Variants in SPEN observed in about 807,000 individuals in gnomAD.
SPEN encodes spen family transcriptional repressor.
SPEN carries 18 observed loss-of-function variants against 269.9 expected under a neutral mutation model. The ratio of observed to expected loss-of-function variants is 0.07; its 90% confidence interval spans 0.05 to 0.10. The LOEUF is 0.10. Among genes scored for constraint, SPEN ranks in the 10% least tolerant of loss-of-function variants. The pLI is 1.00. For missense variants in SPEN, 3,822 were observed against 4,631.2 expected (o/e 0.83, Z 5.07); for synonymous variants, 1,726 against 1,765.7 (o/e 0.98, Z 0.56).
intron 3 of SPEN, among the ~76,000 whole-genome samples, chr1:15,885,781 C>T (rs2070731114): frequency 6.6e-6 from 1 of 152,132 alleles, no homozygotes; most frequent in Admixed American, 6.6e-5. Context: ...GCAGTGTGTG[C>T]TTTGGACAAG....
At position 15,931,529 on chromosome 1, in the gene SPEN, T is replaced by C. The variant is rs2148740145; in HGVS notation, c.5289T>C (p.Ala1763=). The stretch of plus-strand genomic sequence containing the variant: ...GTACCCAGCCACTTTCAAAACCAGC[T>C]CAGAAGTCTGAGGAAGCCAATGAGC... ...PDSTQPLSKP[A]QKSEEANEPK... Residue 1763 remains alanine (A), a synonymous_variant, in exon 11 of 15, where the codon GCT becomes GCC. Coordinates refer to ENST00000375759, the MANE Select transcript of SPEN (RefSeq NM_015001.3). This position sits in a 1 kb window ranked among gnomAD's most constrained non-coding sequence, Gnocchi z 4.8. 1 of 1,613,830 alleles carries C rather than the reference T, an allele frequency of 6.2e-7. No individual in the cohort carries two copies. The highest frequency in any genetic ancestry group is 8.5e-7 in the Non-Finnish European group (1 of 1,179,984).
At chr1:15,872,291 A>C (rs746534790) in intron 1 of SPEN, among the ~76,000 whole-genome samples, 12 of 149,732 alleles carry the variant, frequency 8.0e-5, no homozygotes, top group Non-Finnish European at 1.6e-4. Context: ...GAGTTTTGTA[A>C]ATATTATATT....
intron 3 of SPEN, among the ~76,000 whole-genome samples, chr1:15,881,704 A>T (rs1245757276): frequency 6.6e-6 from 1 of 152,254 alleles, no homozygotes; most frequent in Non-Finnish European, 1.5e-5. Context: ...TCTGGTGTTC[A>T]GTTTACATTA....
chr1:15,876,826 C>A, intron 3 of SPEN, 148 bp downstream of exon 3: 1 of 689,890 alleles, frequency 1.4e-6, no homozygotes. Context: ...GGCATGTGGC[C>A]ATTGAATTAA....
At chr1:15,884,233 A>G (rs2070715772) in intron 3 of SPEN, among the ~76,000 whole-genome samples, 1 of 152,224 alleles carries the variant, frequency 6.6e-6, no homozygotes, top group Admixed American at 6.5e-5. Context: ...GCAGTCTAAT[A>G]AGAAGCATTT....
At chr1:15,898,276 A>G (rs1212253198) in intron 3 of SPEN, among the ~76,000 whole-genome samples, 1 of 151,724 alleles carries the variant, frequency 6.6e-6, no homozygotes. Context: ...ATACATTGAC[A>G]TTATTTTGCA....
At chr1:15,893,024 G>A (rs1450241921) in intron 3 of SPEN, among the ~76,000 whole-genome samples, 1 of 152,176 alleles carries the variant, frequency 6.6e-6, no homozygotes, top group Non-Finnish European at 1.5e-5. Context: ...TTTGAACCCA[G>A]GAGGTGGAGG....
intron 2 of SPEN, among the ~76,000 whole-genome samples, 194 bp from the exon 3 acceptor site, chr1:15,876,008 C>T (rs574328237): frequency 1.2e-4 from 18 of 152,266 alleles, no homozygotes; most frequent in African/African-American, 4.3e-4. Context: ...AATGATTGCT[C>T]AGCTGTGAAA....
In SPEN at chr1:15,936,642, C is replaced by CAAAA. The variant is rs60059470; in HGVS notation, c.10026+386_10026+389dup. Among the ~76,000 whole-genome samples, 969 of 123,768 alleles carry CAAAA rather than the reference C, an allele frequency of 7.8e-3. 26 individuals are homozygous for CAAAA. Among genetic ancestry groups the CAAAA allele is most frequent in the African/African-American group, 0.027 (883 of 32,950 alleles). 81.2% of individuals were successfully genotyped at this position (123,768 alleles called of 152,430 possible). ...CCAGTGACAGAGCGAGACCCAGTCT[C>CAAAA]AAAAAAAAAAAAAGCCGGGCATAGT... On this transcript the variant is annotated intron_variant, in intron 11 of 14. Transcript: ENST00000375759.
At chr1:15,923,114 A>G (rs1343397887) in intron 10 of SPEN, among the ~76,000 whole-genome samples, 5 of 152,214 alleles carry the variant, frequency 3.3e-5, no homozygotes, top group African/African-American at 4.8e-5. Context: ...AAGAATATCA[A>G]GAGCTTTATT....
At chr1:15,869,072 C>T (rs960770328) in intron 1 of SPEN, among the ~76,000 whole-genome samples, 8 of 151,928 alleles carry the variant, frequency 5.3e-5, no homozygotes, top group Admixed American at 3.3e-4. Flanking sequence ...AATTTATTTT[C>T]GAGATGGAGT....
At chr1:15,898,633 C>G (rs564959138) in intron 3 of SPEN, among the ~76,000 whole-genome samples, 13 of 147,922 alleles carry the variant, frequency 8.8e-5, no homozygotes, top group Non-Finnish European at 1.8e-4. Flanking sequence ...AGTCTTGGCT[C>G]ACTGCAACCT....
In SPEN at chr1:15,929,936, T is replaced by C. The variant is rs1182135317; in HGVS notation, c.3696T>C (p.His1232=). 3 of 1,614,146 alleles carry C rather than the reference T, an allele frequency of 1.9e-6. No homozygotes were observed. The highest frequency in any genetic ancestry group is 3.3e-5 in the Admixed American group (2 of 60,022). The stretch of plus-strand genomic sequence containing the variant: ...CTAGCAAAAAGAAAAGGATGGATCA[T>C]GTCGATTTTGATATCTGCACCAAGC... ...SPPSKKKRMD[H]VDFDICTKRE... The change falls in exon 11 of 15, where the codon CAT becomes CAC. Residue 1232 remains histidine, a synonymous_variant. Coordinates refer to ENST00000375759, the MANE Select transcript of SPEN (RefSeq NM_015001.3). The surrounding 1 kb of genome is among the most constrained non-coding windows in gnomAD (Gnocchi z 5.8).
intron 3 of SPEN, among the ~76,000 whole-genome samples, chr1:15,882,014 C>T (rs1421647151): frequency 6.6e-6 from 1 of 152,160 alleles, no homozygotes; most frequent in Non-Finnish European, 1.5e-5. Flanking sequence ...AATAGTTACA[C>T]TTTTGATGAA....
chr1:15,934,342 C>A lies in SPEN; in HGVS notation c.8102C>A (p.Thr2701Lys). The change falls in exon 11 of 15, where the codon ACG (threonine) becomes AAG (lysine). Residue 2701 changes from threonine to lysine, a missense_variant. Physicochemically the swap from Thr to Lys is moderately conservative, Grantham distance 78. Around this residue, in one of 16 missense-constraint regions of SPEN, gnomAD observed 329 missense variants for 431.2 expected, o/e 0.76. Coordinates refer to ENST00000375759, the MANE Select transcript of SPEN (RefSeq NM_015001.3). This position sits in a 1 kb window ranked among gnomAD's most constrained non-coding sequence, Gnocchi z 9.2. ...NVLKGPVNVL[T>K]GPVNVLTTPV... is the part of the protein sequence containing the mutation. ...CTGAAAGGGCCTGTGAATGTTCTTA[C>A]GGGGCCAGTGAATGTTCTCACCACT... is the stretch of plus-strand genomic sequence containing the variant. The A allele has an allele frequency of 1.2e-6, 2 of 1,613,648 alleles. No homozygotes were observed. Among genetic ancestry groups the A allele is most frequent in the African/African-American group, 2.7e-5 (2 of 75,056 alleles).
At position 15,847,721 on chromosome 1, in the gene SPEN, GGCTGCCACAGCGCCAGCTCCGTCGTAGTC is replaced by G. The variant is rs1332279134; in HGVS notation, c.-340_-312del. The G allele has an allele frequency of 6.1e-6, 1 of 164,772 alleles. No homozygotes were observed. Among genetic ancestry groups the G allele is most frequent in the Non-Finnish European group, 1.3e-5 (1 of 75,748 alleles). 10.2% of individuals were successfully genotyped at this position (164,772 alleles called of 1,614,324 possible). ...CCGCGCGCGCCAGTGGGAAGCGTCC[GGCTGCCACAGCGCCAGCTCCGTCGTAGTC>G]GCTGCCGCCCGTGTCCCGCTCGCCC... On this transcript the variant is annotated 5_prime_UTR_variant, in exon 1 of 15. Transcript: ENST00000375759.
chr1:15,926,289 T>TGTG (rs751907887), intron 10 of SPEN, among the ~76,000 whole-genome samples: 3 of 151,918 alleles, frequency 2.0e-5, no homozygotes, highest in Non-Finnish European at 2.9e-5. Flanking sequence ...CCCAGCTACT[T>TGTG]GTGGTGGTGG....
chr1:15,919,086 G>A, intron 7 of SPEN, 35 bp downstream of exon 7: 4 of 1,582,770 alleles, frequency 2.5e-6, no homozygotes, highest in Non-Finnish European at 3.4e-6. Flanking sequence ...GTGCTGTTAT[G>A]ATTTGCTTTG....
chr1:15,876,319 A>G lies in SPEN; in HGVS notation c.522A>G (p.Arg174=). 6.2e-7 allele frequency: 1 copy of G among 1,614,060 alleles called. No individual in the cohort carries two copies. Among genetic ancestry groups the G allele is most frequent in the Middle Eastern group, 1.6e-4 (1 of 6,062 alleles). Residue 174 remains arginine, a synonymous_variant, in exon 3 of 15, where the codon CGA becomes CGG. Transcript: ENST00000375759. ...ATCAGGATTACTATAGAGATCCTCGAGAGCGGACTTTACAACATGGGCTCT... is the reference window on the plus strand; with the variant it reads ...ATCAGGATTACTATAGAGATCCTCGGGAGCGGACTTTACAACATGGGCTCT... ...HYDQDYYRDP[R]ERTLQHGLYY... is the part of the protein sequence containing the mutation.
Sources: gnomAD v4.1 joint callset for allele counts (sites outside exome capture counted in the v4.1 genomes callset) on GRCh38, gnomAD v4.1.1 for gene constraint, gnomAD v4.1.1 regional missense constraint, Gnocchi (gnomAD v3.1) non-coding constraint, MANE v1.5 for transcripts, NCBI Gene and HGNC (gene_info 2026-07-23, HGNC 2026-07-21) for gene names.